PTPRN2: variants seen among roughly 807,000 people sequenced by gnomAD.
The protein encoded by PTPRN2 is receptor-type tyrosine-protein phosphatase N2.
PTPRN2 carries 74 observed loss-of-function variants against 118.8 expected under a neutral mutation model. That is an observed-to-expected ratio of 0.62 (90% CI 0.52 to 0.76). The LOEUF (loss-of-function observed/expected upper bound fraction) is 0.76. Ranked by LOEUF, PTPRN2 falls within the 30% of genes least tolerant of loss-of-function variation. PTPRN2 has a pLI of 0.00. For missense variants in PTPRN2, 1,481 were observed against 1,394.4 expected (o/e 1.06, Z -0.99); for synonymous variants, 641 against 608.0 (o/e 1.05, Z -0.80).
chr7:158,273,361 C>A (rs1246107491), intron 3 of PTPRN2, among the ~76,000 whole-genome samples: 1 of 148,904 alleles, frequency 6.7e-6, no homozygotes, highest in Admixed American at 6.6e-5. Context: ...GGCAGAAGCA[C>A]TGCCTGCAGC....
chr7:157,825,860 G>A (rs1202298868), intron 12 of PTPRN2, among the ~76,000 whole-genome samples: 1 of 152,234 alleles, frequency 6.6e-6, no homozygotes, highest in East Asian at 1.9e-4. Flanking sequence ...CAAGGCTCCA[G>A]GAGACAAAAA....
intron 1 of PTPRN2, among the ~76,000 whole-genome samples, chr7:158,586,564 ATCT>A: frequency 6.6e-6 from 1 of 152,336 alleles, no homozygotes; most frequent in East Asian, 1.9e-4. Context: ...TTTATGGTAA[ATCT>A]TCTTAATAAA....
intron 3 of PTPRN2, among the ~76,000 whole-genome samples, chr7:158,293,076 G>T (rs1442538420): frequency 1.3e-5 from 2 of 151,790 alleles, no homozygotes; most frequent in Non-Finnish European, 2.9e-5. Flanking sequence ...TAAAAAAGAA[G>T]ATTAAAATGG....
chr7:158,456,692 T>C (rs1158877386), intron 2 of PTPRN2, among the ~76,000 whole-genome samples: 1 of 152,268 alleles, frequency 6.6e-6, no homozygotes, highest in Non-Finnish European at 1.5e-5. Context: ...CCCTCCCTGT[T>C]TTCCAGGGTT....
chr7:157,551,823 GCATCCCACAGCCACCACA>G (rs1798639583), intron 21 of PTPRN2, among the ~76,000 whole-genome samples: 2 of 65,734 alleles, frequency 3.0e-5, no homozygotes, highest in Non-Finnish European at 6.0e-5. Context: ...CAGCCAGCAC[GCATCCCACAGCCACCACA>G]CACCCCACAG....
At chr7:157,665,867 A>G (rs1206666766) in intron 13 of PTPRN2, among the ~76,000 whole-genome samples, 1 of 152,248 alleles carries the variant, frequency 6.6e-6, no homozygotes, top group Non-Finnish European at 1.5e-5. Flanking sequence ...CATCATTCTC[A>G]GCAAAATATC....
At chr7:158,016,950 T>C (rs568943892) in intron 11 of PTPRN2, among the ~76,000 whole-genome samples, 1 of 152,282 alleles carries the variant, frequency 6.6e-6, no homozygotes, top group Non-Finnish European at 1.5e-5. Flanking sequence ...CTCACTAATC[T>C]GTATTAAAAC....
intron 21 of PTPRN2, among the ~76,000 whole-genome samples, chr7:157,554,914 G>A (rs570040262): frequency 3.3e-5 from 5 of 152,168 alleles, no homozygotes; most frequent in African/African-American, 1.2e-4. Flanking sequence ...TGTCCATGTC[G>A]GGAATCTACA....
At chr7:158,046,555 T>G (rs1297885322) in intron 11 of PTPRN2, among the ~76,000 whole-genome samples, 1 of 152,240 alleles carries the variant, frequency 6.6e-6, no homozygotes, top group African/African-American at 2.4e-5. Context: ...TGTGGCAGGT[T>G]CTCAGCACCA....
At chr7:157,791,830 A>G (rs113070617) in intron 12 of PTPRN2, among the ~76,000 whole-genome samples, 43 of 152,214 alleles carry the variant, frequency 2.8e-4, no homozygotes, top group African/African-American at 1.0e-3. Flanking sequence ...AGGGTATCGC[A>G]CCTACAGCCA....
intron 21 of PTPRN2, among the ~76,000 whole-genome samples, chr7:157,552,100 A>G (rs1798661758): frequency 7.2e-6 from 1 of 139,418 alleles, no homozygotes; most frequent in South Asian, 2.4e-4. Flanking sequence ...CATGCACTCT[A>G]TGGCCACTGC....
At chr7:157,648,984 A>G (rs1304646960) in intron 14 of PTPRN2, among the ~76,000 whole-genome samples, 3 of 143,900 alleles carry the variant, frequency 2.1e-5, no homozygotes, top group Admixed American at 7.1e-5. Flanking sequence ...GGACCCATCC[A>G]CTGTGCACTG....
At chr7:158,205,645 G>T (rs1470876265) in intron 3 of PTPRN2, among the ~76,000 whole-genome samples, 1 of 152,144 alleles carries the variant, frequency 6.6e-6, no homozygotes, top group Non-Finnish European at 1.5e-5. Flanking sequence ...CACAGTACCT[G>T]GTTTTAACTC....
At chr7:158,307,152 C>T (rs796623767) in intron 3 of PTPRN2, among the ~76,000 whole-genome samples, 2 of 152,118 alleles carry the variant, frequency 1.3e-5, no homozygotes, top group African/African-American at 4.8e-5. Flanking sequence ...TAGGCATGAG[C>T]CACTGTGCCC....
intron 11 of PTPRN2, among the ~76,000 whole-genome samples, chr7:158,055,583 C>T (rs1337922784): frequency 6.6e-6 from 1 of 152,188 alleles, no homozygotes; most frequent in African/African-American, 2.4e-5. Context: ...ACACCTGGCT[C>T]TGTGTTTTAG....
intron 2 of PTPRN2, among the ~76,000 whole-genome samples, chr7:158,461,018 C>T (rs1818945279): frequency 6.6e-6 from 1 of 152,188 alleles, no homozygotes; most frequent in Non-Finnish European, 1.5e-5. Context: ...CTACAACATC[C>T]TCAAACCCAA....
rs375488061 is a variant in PTPRN2 at position 157,697,008 on chromosome 7, A to G, written c.1789-14071T>C. ...ACTGGGTCTTGGCAGAGCCCTCACCATCTACCCATGCATACTGGTTCTTGG... is the reference window on the plus strand; with the variant it reads ...ACTGGGTCTTGGCAGAGCCCTCACCGTCTACCCATGCATACTGGTTCTTGG... On this transcript the variant is annotated intron_variant, in intron 12 of 22. Transcript: ENST00000389418. Among the ~76,000 whole-genome samples the G allele has an allele frequency of 4.6e-3, 351 of 76,164 alleles. 2 individuals are homozygous for G. The highest frequency in any genetic ancestry group is 7.6e-3 in the East Asian group (13 of 1,704). The allele number at this position is 76,164 out of a possible 152,430, so 50.0% of individuals were successfully genotyped here.
chr7:158,234,651 G>A (rs1232354231), intron 3 of PTPRN2, among the ~76,000 whole-genome samples: 1 of 150,104 alleles, frequency 6.7e-6, no homozygotes, highest in African/African-American at 2.5e-5. Context: ...AAACATATAG[G>A]TGGTAAACAG....
At chr7:157,969,964 A>G (rs10264896) in intron 11 of PTPRN2, among the ~76,000 whole-genome samples, 29,847 of 152,036 alleles carry the variant, frequency 0.2, 2,976 homozygotes, top group Non-Finnish European at 0.2. Flanking sequence ...CTGAAGGTGC[A>G]GGGACTTAAC....
Sources: allele counts gnomAD v4.1 joint callset (sites outside exome capture counted in the v4.1 genomes callset), GRCh38; gene constraint gnomAD v4.1.1; transcripts MANE v1.5; gene names NCBI Gene and HGNC (gene_info 2026-07-23, HGNC 2026-07-21).